LVRN: variants seen among roughly 807,000 people sequenced by gnomAD.
LVRN encodes laeverin.
In LVRN, 99 loss-of-function variants were observed where a neutral mutation model predicts 111.4. That is an observed-to-expected ratio of 0.89 (90% CI 0.76 to 1.05). LVRN has a LOEUF of 1.05. Among genes scored for constraint, LVRN ranks in the 50% least tolerant of loss-of-function variants. The pLI is 0.00. For synonymous variants in LVRN, 488 were observed against 449.5 expected, an observed-to-expected ratio of 1.09 and a Z score of -1.08; for missense variants, 1,414 against 1,206.8, an observed-to-expected ratio of 1.17 and a Z score of -2.54.
At chr5:115,999,717 T>A in intron 6 of LVRN, 45 bp from the exon 7 acceptor site, 1 of 1,597,696 alleles carries the variant, frequency 6.3e-7, no homozygotes, top group Non-Finnish European at 8.5e-7. Flanking sequence ...TTTGGTCTTC[T>A]GTGACACCTC....
chr5:116,007,373 C>T (rs1182600820), intron 13 of LVRN, among the ~76,000 whole-genome samples: 2 of 152,138 alleles, frequency 1.3e-5, no homozygotes, highest in African/African-American at 2.4e-5. Flanking sequence ...TTAGCTTCAT[C>T]GGCCCATCAC....
intron 1 of LVRN, among the ~76,000 whole-genome samples, chr5:115,970,771 C>T (rs1447297505): frequency 1.3e-5 from 2 of 152,166 alleles, no homozygotes; most frequent in African/African-American, 4.8e-5. Context: ...GTTTATCCAA[C>T]AAATTACCAA....
chr5:115,994,855 T>C (rs906042647), intron 6 of LVRN, among the ~76,000 whole-genome samples: 2 of 152,230 alleles, frequency 1.3e-5, no homozygotes, highest in African/African-American at 2.4e-5. Flanking sequence ...CTTAATGTTA[T>C]CTTTTGATAT....
chr5:115,992,035 A>T, intron 4 of LVRN, 88 bp from the exon 5 acceptor site: 2 of 1,309,812 alleles, frequency 1.5e-6, no homozygotes, highest in South Asian at 1.5e-5. Context: ...ATTTTTTGGT[A>T]ATTTTATGAT....
In LVRN at chr5:116,012,421, T is replaced by C. The variant is rs1207235652; in HGVS notation, c.2295T>C (p.Thr765=). 3.9e-6 allele frequency: 6 copies of C among 1,547,364 alleles called. No homozygotes were observed. Among genetic ancestry groups the C allele is most frequent in the Non-Finnish European group, 5.3e-6 (6 of 1,126,556 alleles). ...RLNLIWNIYS[T]IIRENVLALQ... is the part of the protein sequence containing the mutation. ...ATTTAATATGGAATATTTATTCAACTATAATTCGTGAAAATGTGTTGGCAT... is the reference window on the plus strand; with the variant it reads ...ATTTAATATGGAATATTTATTCAACCATAATTCGTGAAAATGTGTTGGCAT... The change falls in exon 15 of 20, where the codon ACT becomes ACC. Residue 765 remains threonine (T), a synonymous_variant. Transcript: ENST00000357872.
intron 1 of LVRN, among the ~76,000 whole-genome samples, chr5:115,964,493 A>T (rs749408499): frequency 6.6e-6 from 1 of 152,234 alleles, no homozygotes; most frequent in African/African-American, 2.4e-5. Context: ...TCTTATTTAG[A>T]TGATGTGTTA....
In LVRN at chr5:115,963,100, C is replaced by A. The variant is rs147868174; in HGVS notation, c.483C>A (p.Pro161=). The A allele has an allele frequency of 6.2e-7, 1 of 1,613,660 alleles. No individual in the cohort carries two copies. The change falls in exon 1 of 20, where the codon CCC becomes CCA. Residue 161 remains proline, a synonymous_variant. Transcript: ENST00000357872. ...GCGAGCGCGCCGAGGTGCGGGGACC[C>A]CTTTCCCCGGGCACTGGGAACGCCA... The part of the protein sequence containing the change: ...QDCERAEVRG[P]LSPGTGNATV...
At chr5:115,981,804 T>C (rs886392655) in intron 1 of LVRN, among the ~76,000 whole-genome samples, 2 of 152,208 alleles carry the variant, frequency 1.3e-5, no homozygotes, top group Non-Finnish European at 2.9e-5. Context: ...TTATCCCTCT[T>C]TGAGTTCTTC....
Position 116,027,294 on chromosome 5 carries a change from T to C in LVRN, c.*1176T>C, listed in dbSNP as rs537903607. 7 of 152,334 alleles carry C rather than the reference T, an allele frequency of 4.6e-5. No homozygotes were observed. The highest frequency in any genetic ancestry group is 1.4e-4 in the African/African-American group (6 of 41,574). 9.4% of individuals were successfully genotyped at this position (152,334 alleles called of 1,614,324 possible). A position where few individuals can be genotyped will look rare whatever the true frequency, so the allele number is the denominator to read the frequency against. ...CTCCTCAGGGTGATATTTTTAAAGA[T>C]TAAGGAGTATGACATCAATTAACAG... On this transcript the variant is annotated 3_prime_UTR_variant, in exon 20 of 20. Coordinates refer to ENST00000357872, the MANE Select transcript of LVRN (RefSeq NM_173800.5).
At chr5:116,015,458 G>C in intron 17 of LVRN, 39 bp downstream of exon 17, 1 of 1,496,758 alleles carries the variant, frequency 6.7e-7, no homozygotes, top group Non-Finnish European at 8.9e-7. Flanking sequence ...TTCTGTTATA[G>C]GAATTAAATT....
chr5:115,981,279 T>C (rs903919959), intron 1 of LVRN, among the ~76,000 whole-genome samples: 6 of 152,214 alleles, frequency 3.9e-5, no homozygotes, highest in African/African-American at 1.4e-4. Context: ...CAAATACTTA[T>C]ACAATTGCTA....
intron 2 of LVRN, among the ~76,000 whole-genome samples, chr5:115,984,365 A>G (rs536444510): frequency 6.6e-6 from 1 of 152,150 alleles, no homozygotes; most frequent in Non-Finnish European, 1.5e-5. Context: ...ATTATTCAAA[A>G]TGCTGATTCA....
intron 12 of LVRN, among the ~76,000 whole-genome samples, chr5:116,005,004 G>T (rs747513486): frequency 3.0e-4 from 46 of 152,254 alleles, no homozygotes; most frequent in Non-Finnish European, 5.6e-4. Flanking sequence ...AGCCATGAAA[G>T]CACGAGGTTA....
chr5:115,982,189 A>C (rs1225709569), intron 1 of LVRN, among the ~76,000 whole-genome samples: 1 of 152,310 alleles, frequency 6.6e-6, no homozygotes, highest in East Asian at 1.9e-4. Context: ...ACACCTCAAA[A>C]TGGCTGACTG....
chr5:115,984,506 A>G, intron 2 of LVRN, 64 bp from the exon 3 acceptor site: 1 of 1,571,558 alleles, frequency 6.4e-7, no homozygotes, highest in Non-Finnish European at 8.7e-7. Context: ...GACTTGACAA[A>G]TTATTTCAAA....
At chr5:116,014,378 G>A (rs1748555209) in intron 15 of LVRN, 42 bp from the exon 16 acceptor site, 1 of 1,367,658 alleles carries the variant, frequency 7.3e-7, no homozygotes, top group South Asian at 1.2e-5. Context: ...AATGAAGGTG[G>A]TAATGCAAAA....
chr5:115,965,172 C>T (rs1413621567), intron 1 of LVRN, among the ~76,000 whole-genome samples: 1 of 152,226 alleles, frequency 6.6e-6, no homozygotes, highest in East Asian at 1.9e-4. Flanking sequence ...GTGGTAACTG[C>T]TATCCTTAGG....
chr5:116,005,237 A>G (rs557384097), intron 12 of LVRN, among the ~76,000 whole-genome samples: 1 of 152,362 alleles, frequency 6.6e-6, no homozygotes, highest in East Asian at 1.9e-4. Flanking sequence ...TGTGAAGATA[A>G]AGTTTTTGAA....
At chr5:116,007,870 G>A (rs753513564) in intron 13 of LVRN, among the ~76,000 whole-genome samples, 2 of 152,178 alleles carry the variant, frequency 1.3e-5, no homozygotes, top group Non-Finnish European at 2.9e-5. Context: ...ATCTGTTACA[G>A]TAATCTGTGA....
Sources: allele counts gnomAD v4.1 joint callset (sites outside exome capture counted in the v4.1 genomes callset), GRCh38; gene constraint gnomAD v4.1.1; transcripts MANE v1.5; gene names NCBI Gene and HGNC (gene_info 2026-07-23, HGNC 2026-07-21).